Variants in SMG6 observed in about 807,000 individuals in gnomAD.
The protein encoded by SMG6 is SMG6 nonsense mediated mRNA decay factor, also known as telomerase-binding protein EST1A.
SMG6 carries 66 observed loss-of-function variants against 142.2 expected under a neutral mutation model. The observed-to-expected ratio is 0.46, with a 90% CI of 0.38 to 0.57. SMG6 has a LOEUF of 0.57. Among genes scored for constraint, SMG6 ranks in the 20% least tolerant of loss-of-function variants. The pLI, the probability that SMG6 is intolerant of heterozygous loss-of-function variation, is 0.00. For synonymous variants in SMG6, 779 were observed against 702.4 expected (o/e 1.11, Z -1.72); for missense variants, 1,793 against 1,832.0 (o/e 0.98, Z 0.39).
intron 11 of SMG6, among the ~76,000 whole-genome samples, chr17:2,187,353 G>A (rs1461719210): frequency 1.3e-5 from 2 of 152,216 alleles, no homozygotes; most frequent in Admixed American, 6.5e-5. Flanking sequence ...GGATCCCAGA[G>A]CAGAAAACAA....
At chr17:2,065,986 T>C (rs557586801) in intron 16 of SMG6, 4 of 414,646 alleles carry the variant, frequency 9.6e-6, no homozygotes, top group African/African-American at 8.0e-5. Context: ...ATTGCATTCC[T>C]TGGTTACAGG....
At chr17:2,127,792 C>G (rs1013909038) in intron 13 of SMG6, 3 of 552,536 alleles carry the variant, frequency 5.4e-6, no homozygotes, top group Non-Finnish European at 1.1e-5. Flanking sequence ...TGAAAATTCA[C>G]TCTTCTCCAA....
intron 8 of SMG6, among the ~76,000 whole-genome samples, chr17:2,269,198 C>T (rs1489536166): frequency 5.0e-5 from 6 of 121,042 alleles, no homozygotes; most frequent in Admixed American, 1.9e-4. Context: ...CCAGCCTGGG[C>T]GACAGAGCCA....
chr17:2,131,414 G>A (rs1371479171), intron 13 of SMG6, among the ~76,000 whole-genome samples: 2 of 151,956 alleles, frequency 1.3e-5, no homozygotes, highest in Non-Finnish European at 2.9e-5. Context: ...TCCTGCCTCA[G>A]CCTCCTGAGT....
intron 13 of SMG6, among the ~76,000 whole-genome samples, chr17:2,118,065 AG>A (rs2069561946): frequency 6.6e-6 from 1 of 151,836 alleles, no homozygotes; most frequent in Non-Finnish European, 1.5e-5. Flanking sequence ...AAACATAGTG[AG>A]ACCCCATTTC....
At chr17:2,142,616 G>T (rs1355610670) in intron 13 of SMG6, among the ~76,000 whole-genome samples, 1 of 151,470 alleles carries the variant, frequency 6.6e-6, no homozygotes, top group African/African-American at 2.4e-5. Flanking sequence ...GGGCACAGTG[G>T]CTCACGCCTG....
Position 2,299,169 on chromosome 17 carries a change from T to C in SMG6, c.1584A>G (p.Leu528=), listed in dbSNP as rs757190478. The change falls in exon 2 of 19, where the codon CTA becomes CTG. Residue 528 remains leucine (L), a synonymous_variant. Transcript: ENST00000263073. The surrounding 1 kb of genome is among the most constrained non-coding windows in gnomAD (Gnocchi z 4.3). ...SQYPYTGYNP[L]QYPVGPTNGV... is the part of the protein sequence containing the mutation. Reference sequence around the variant, plus strand: ...CATTCGTAGGGCCCACTGGGTACTGTAGAGGGTTATAGCCCGTATAGGGAT... The same window carrying C: ...CATTCGTAGGGCCCACTGGGTACTGCAGAGGGTTATAGCCCGTATAGGGAT... 3.2e-5 allele frequency: 51 copies of C among 1,612,824 alleles called. No individual in the cohort carries two copies. Among genetic ancestry groups the C allele is most frequent in the Non-Finnish European group, 4.2e-5 (49 of 1,179,374 alleles).
At chr17:2,190,750 G>A (rs528422750) in intron 10 of SMG6, among the ~76,000 whole-genome samples, 2 of 152,278 alleles carry the variant, frequency 1.3e-5, no homozygotes, top group East Asian at 3.9e-4. Flanking sequence ...GCAGCTTCAT[G>A]ACTGCTCTGT....
intron 10 of SMG6, among the ~76,000 whole-genome samples, chr17:2,228,595 T>G (rs1007364097): frequency 6.6e-6 from 1 of 151,734 alleles, no homozygotes; most frequent in Non-Finnish European, 1.5e-5. Context: ...ACTCCTGGCC[T>G]CAAGTGATCT....
chr17:2,137,473 T>G (rs2070340912), intron 13 of SMG6, among the ~76,000 whole-genome samples: 1 of 152,068 alleles, frequency 6.6e-6, no homozygotes, highest in Non-Finnish European at 1.5e-5. Flanking sequence ...GGTGTGACAG[T>G]ACTCGCTGCA....
At chr17:2,266,094 T>C (rs2074417521) in intron 8 of SMG6, 1 of 985,304 alleles carries the variant, frequency 1.0e-6, no homozygotes, top group Non-Finnish European at 1.2e-6. Flanking sequence ...GTACTTTCTG[T>C]TCACCATGCG....
intron 13 of SMG6, among the ~76,000 whole-genome samples, chr17:2,133,002 TG>T (rs1289095301): frequency 6.6e-6 from 1 of 152,178 alleles, no homozygotes; most frequent in Admixed American, 6.5e-5. Flanking sequence ...CCCAGCACTT[TG>T]GGAGGCCAAG....
At chr17:2,270,178 C>CA (rs1399350704) in intron 8 of SMG6, among the ~76,000 whole-genome samples, 1 of 151,872 alleles carries the variant, frequency 6.6e-6, no homozygotes, top group Non-Finnish European at 1.5e-5. Context: ...GGCAATTACT[C>CA]AGAGAAGGAT....
At chr17:2,155,054 A>AGT (rs1415828606) in intron 13 of SMG6, among the ~76,000 whole-genome samples, 7 of 122,736 alleles carry the variant, frequency 5.7e-5, no homozygotes, top group Non-Finnish European at 8.4e-5. Flanking sequence ...TGAGAAAAAA[A>AGT]ATTTTTTTTT....
chr17:2,072,201 G>A (rs1029871296), intron 15 of SMG6, among the ~76,000 whole-genome samples: 34 of 152,108 alleles, frequency 2.2e-4, no homozygotes, highest in African/African-American at 4.1e-4. Flanking sequence ...GGGTGCAACC[G>A]GAATGCTGTG....
chr17:2,139,004 T>C (rs750533829), intron 13 of SMG6, among the ~76,000 whole-genome samples: 2 of 152,168 alleles, frequency 1.3e-5, no homozygotes, highest in African/African-American at 2.4e-5. Flanking sequence ...TGGAGATGTG[T>C]AGCGTGGCAC....
intron 10 of SMG6, among the ~76,000 whole-genome samples, chr17:2,226,357 G>T (rs969581177): frequency 2.0e-5 from 3 of 151,988 alleles, no homozygotes; most frequent in Admixed American, 6.6e-5. Flanking sequence ...AAAGTGGGTG[G>T]ATCACGAGGT....
chr17:2,259,034 C>T (rs2074256142), intron 8 of SMG6, among the ~76,000 whole-genome samples: 1 of 151,924 alleles, frequency 6.6e-6, no homozygotes, highest in Non-Finnish European at 1.5e-5. Flanking sequence ...GCAGAGATCA[C>T]ACCACTGCAC....
At chr17:2,153,214 CTA>C (rs2070881214) in intron 13 of SMG6, among the ~76,000 whole-genome samples, 1 of 152,028 alleles carries the variant, frequency 6.6e-6, no homozygotes, top group Non-Finnish European at 1.5e-5. Context: ...TTAGTGTAGT[CTA>C]TGTGTGGCCC....
Sources: gnomAD v4.1 joint callset for allele counts (sites outside exome capture counted in the v4.1 genomes callset) on GRCh38, gnomAD v4.1.1 for gene constraint, Gnocchi (gnomAD v3.1) non-coding constraint, MANE v1.5 for transcripts, NCBI Gene and HGNC (gene_info 2026-07-23, HGNC 2026-07-21) for gene names.